The following SRGAP2 variants were observed in gnomAD, a reference collection of about 807,000 sequenced individuals.
The protein encoded by SRGAP2 is SLIT-ROBO Rho GTPase-activating protein 2.
In SRGAP2, 15 loss-of-function variants were observed where a neutral mutation model predicts 57.2. The observed-to-expected ratio is 0.26, with a 90% CI of 0.18 to 0.40. The LOEUF is 0.40. Among genes scored for constraint, SRGAP2 ranks in the 10% least tolerant of loss-of-function variants. The pLI is 1.00. For synonymous variants in SRGAP2, 249 were observed against 248.0 expected (o/e 1.00, Z -0.04); for missense variants, 520 against 669.6 (o/e 0.78, Z 2.47).
intron 17 of SRGAP2, among the ~76,000 whole-genome samples, chr1:206,444,184 A>C (rs1421357865): frequency 1.1e-4 from 16 of 152,160 alleles, no homozygotes; most frequent in Admixed American, 1.0e-3. Context: ...GTCTCAAAAA[A>C]AAAAAAAAGA....
intron 3 of SRGAP2, among the ~76,000 whole-genome samples, chr1:206,331,486 G>A (rs1389548718): frequency 7.1e-6 from 1 of 140,226 alleles, no homozygotes; most frequent in East Asian, 2.1e-4. Flanking sequence ...ATGAATCTGG[G>A]TGCTCCTGTA....
intron 2 of SRGAP2, among the ~76,000 whole-genome samples, chr1:206,243,411 A>G (rs1236093290): frequency 6.6e-6 from 1 of 151,580 alleles, no homozygotes; most frequent in African/African-American, 2.4e-5. Flanking sequence ...AGTGAAAAGG[A>G]TGTGTACACA....
At chr1:206,357,266 T>A (rs1571944998) in intron 4 of SRGAP2, among the ~76,000 whole-genome samples, 1 of 149,274 alleles carries the variant, frequency 6.7e-6, no homozygotes, top group South Asian at 2.1e-4. Flanking sequence ...AGAAAAAATT[T>A]TAAAAAGTAG....
At chr1:206,230,665 C>T (rs1440616205) in intron 2 of SRGAP2, among the ~76,000 whole-genome samples, 107 of 146,914 alleles carry the variant, frequency 7.3e-4, no homozygotes, top group African/African-American at 2.4e-3. Flanking sequence ...CTCGCTCTGT[C>T]GCCCAGGCTG....
intron 17 of SRGAP2, among the ~76,000 whole-genome samples, chr1:206,442,853 A>G (rs1553372525): frequency 6.6e-6 from 1 of 152,190 alleles, no homozygotes; most frequent in Non-Finnish European, 1.5e-5. Context: ...CTCCCGATGC[A>G]GACTCTGCCT....
chr1:206,304,058 A>C (rs1319669762), intron 3 of SRGAP2, among the ~76,000 whole-genome samples: 1 of 152,206 alleles, frequency 6.6e-6, no homozygotes, highest in Non-Finnish European at 1.5e-5. Context: ...CATTACATCT[A>C]AATCCCTGTC....
chr1:206,449,377 G>A (rs782236276), intron 18 of SRGAP2, among the ~76,000 whole-genome samples: 11 of 143,032 alleles, frequency 7.7e-5, no homozygotes, highest in Non-Finnish European at 1.3e-4. Context: ...CTGCAGCCTC[G>A]ACTTCCCAGG....
intron 2 of SRGAP2, among the ~76,000 whole-genome samples, chr1:206,249,795 C>A (rs1438931979): frequency 4.0e-5 from 6 of 151,410 alleles, no homozygotes; most frequent in Non-Finnish European, 4.4e-5. Context: ...CTCTAGGCTA[C>A]TCTGCATAAA....
At chr1:206,309,567 T>C (rs1553323279) in intron 3 of SRGAP2, among the ~76,000 whole-genome samples, 1 of 150,860 alleles carries the variant, frequency 6.6e-6, no homozygotes, top group Non-Finnish European at 1.5e-5. Context: ...GGATAAAGCA[T>C]AGAACCATAA....
At chr1:206,418,451 G>A (rs1553362866) in intron 11 of SRGAP2, among the ~76,000 whole-genome samples, 2 of 152,234 alleles carry the variant, frequency 1.3e-5, no homozygotes, top group African/African-American at 4.8e-5. Context: ...AGCTTGGATA[G>A]GGAGGAGTGT....
intron 4 of SRGAP2, among the ~76,000 whole-genome samples, chr1:206,360,058 G>A (rs1403072408): frequency 2.6e-5 from 4 of 151,644 alleles, no homozygotes; most frequent in Non-Finnish European, 5.9e-5. Flanking sequence ...CGCCCGCCTC[G>A]GCCTCCCAAA....
Position 206,327,612 on chromosome 1 carries a change from CAT to C in SRGAP2, c.261-15233_261-15232del, listed in dbSNP as rs1307917487. ...TGTTTGATTGGATCTTCACAAAAGTCATGTGTGTTAGGCAGGGCAGGTCTGCT... is the reference window on the plus strand; with the variant it reads ...TGTTTGATTGGATCTTCACAAAAGTCGTGTGTTAGGCAGGGCAGGTCTGCT... On this transcript the variant is annotated intron_variant, in intron 3 of 22. Coordinates refer to ENST00000573034, the MANE Select transcript of SRGAP2 (RefSeq NM_015326.5). Among the ~76,000 whole-genome samples the C allele has an allele frequency of 9.8e-5, 12 of 122,356 alleles. No individual in the cohort carries two copies. In the East Asian group the frequency reaches 1.8e-3, roughly 18 times the overall value. 80.3% of individuals were successfully genotyped at this position (122,356 alleles called of 152,430 possible).
intron 7 of SRGAP2, among the ~76,000 whole-genome samples, chr1:206,398,985 A>G (rs1450755734): frequency 1.2e-4 from 18 of 152,126 alleles, no homozygotes; most frequent in Non-Finnish European, 2.4e-4. Flanking sequence ...GTATTTTTTT[A>G]AAGTGTCTAC....
At chr1:206,449,196 G>C (rs1663030434) in intron 18 of SRGAP2, among the ~76,000 whole-genome samples, 1 of 151,846 alleles carries the variant, frequency 6.6e-6, no homozygotes, top group Non-Finnish European at 1.5e-5. Flanking sequence ...CCATCCTCAT[G>C]AGTTCTGAAG....
intron 7 of SRGAP2, among the ~76,000 whole-genome samples, chr1:206,396,049 C>T (rs1444869371): frequency 6.9e-6 from 1 of 144,524 alleles, no homozygotes; most frequent in Non-Finnish European, 1.5e-5. Flanking sequence ...GTGGTGCGAT[C>T]TCGGCTCACT....
At chr1:206,262,672 A>G (rs1196542399) in intron 2 of SRGAP2, among the ~76,000 whole-genome samples, 1 of 149,050 alleles carries the variant, frequency 6.7e-6, no homozygotes, top group Middle Eastern at 3.2e-3. Flanking sequence ...CTTGCTGTAT[A>G]TCTGCAGGAA....
rs1049520202 is a variant in SRGAP2, at chr1:206,461,304, G to A, written c.3100G>A (p.Val1034Ile). The A allele has an allele frequency of 3.8e-6, 3 of 780,794 alleles. No homozygotes were observed. The highest frequency in any genetic ancestry group is 7.2e-6 in the Non-Finnish European group (3 of 418,004). The allele number at this position is 780,794 out of a possible 1,614,324, so 48.4% of individuals were successfully genotyped here. The part of the protein sequence containing the change: ...PVKSVKMAAP[V>I]KPPATRPKPT... ...CAAGTCTGTCAAGATGGCTGCCCCG[G>A]TCAAACCACCAGCCACACGGCCCAA... Residue 1034 changes from valine to isoleucine, a missense_variant, in exon 23 of 23, where the codon GTC becomes ATC. Transcript: ENST00000573034.
At chr1:206,447,062 A>G (rs1436832473) in intron 18 of SRGAP2, among the ~76,000 whole-genome samples, 1 of 152,194 alleles carries the variant, frequency 6.6e-6, no homozygotes, top group Non-Finnish European at 1.5e-5. Context: ...ATCTCTTTGT[A>G]CAGGGTACAG....
chr1:206,238,535 T>C (rs1439852185), intron 2 of SRGAP2, among the ~76,000 whole-genome samples: 1 of 59,146 alleles, frequency 1.7e-5, no homozygotes, highest in East Asian at 4.8e-4. Context: ...CTTTGAACAG[T>C]TGAGAAATGG....
Sources: allele counts gnomAD v4.1 joint callset (sites outside exome capture counted in the v4.1 genomes callset), GRCh38; gene constraint gnomAD v4.1.1; transcripts MANE v1.5; gene names NCBI Gene and HGNC (gene_info 2026-07-23, HGNC 2026-07-21).